WWOX: variants seen among roughly 807,000 people sequenced by gnomAD.
The protein encoded by WWOX is WW domain-containing oxidoreductase.
A neutral mutation model predicts 46.2 loss-of-function variants in WWOX; 69 were observed. That is an observed-to-expected ratio of 1.49 (90% CI 1.23 to 1.82). The LOEUF (loss-of-function observed/expected upper bound fraction) is 1.82, where lower values mean the gene tolerates loss of function less well. Among genes scored for constraint, WWOX ranks in the 40% most tolerant of loss-of-function variants. The probability of loss-of-function intolerance (pLI) is 0.00; values close to 1 mark genes in which losing one functional copy is unlikely to be tolerated. For synonymous variants in WWOX, 359 were observed against 202.6 expected (o/e 1.77, Z -6.56); for missense variants, 919 against 542.6 (o/e 1.69, Z -6.89).
chr16:78,825,678 C>CA, intron 8 of WWOX: 4 of 533,056 alleles, frequency 7.5e-6, no homozygotes, highest in Non-Finnish European at 1.5e-5. Flanking sequence ...CATAGGCTGC[C>CA]AAGCTGTGGT....
At chr16:79,035,507 G>T (rs537077884) in intron 8 of WWOX, among the ~76,000 whole-genome samples, 1 of 152,244 alleles carries the variant, frequency 6.6e-6, no homozygotes, top group African/African-American at 2.4e-5. Flanking sequence ...AGCAGTAGAG[G>T]TGTGTCTGGG....
At chr16:78,701,508 T>C (rs1261599498) in intron 8 of WWOX, among the ~76,000 whole-genome samples, 1 of 152,086 alleles carries the variant, frequency 6.6e-6, no homozygotes, top group Non-Finnish European at 1.5e-5. Context: ...TCTACCTCTA[T>C]CTCTTCTATC....
intron 5 of WWOX, among the ~76,000 whole-genome samples, chr16:78,194,604 A>AAT (rs2035990529): frequency 6.6e-6 from 1 of 150,640 alleles, no homozygotes; most frequent in Non-Finnish European, 1.5e-5. Context: ...AAAAAAAAAA[A>AAT]AGATTTATGT....
intron 8 of WWOX, among the ~76,000 whole-genome samples, chr16:79,077,071 C>G (rs1045882790): frequency 9.2e-5 from 14 of 152,150 alleles, no homozygotes; most frequent in African/African-American, 2.9e-4. Context: ...AATAATTTGT[C>G]CAGGTCTCAT....
At chr16:78,148,514 A>T (rs548398026) in intron 4 of WWOX, among the ~76,000 whole-genome samples, 3 of 148,428 alleles carry the variant, frequency 2.0e-5, no homozygotes, top group African/African-American at 7.4e-5. Flanking sequence ...GCTCCATTAC[A>T]TTTTTTTTTT....
chr16:78,647,775 G>C (rs1392302430), intron 8 of WWOX, among the ~76,000 whole-genome samples: 2 of 152,222 alleles, frequency 1.3e-5, no homozygotes, highest in East Asian at 1.9e-4. Context: ...ACCCAAGACA[G>C]AAATTTCTAG....
At chr16:78,812,116 C>G (rs1176097518) in intron 8 of WWOX, among the ~76,000 whole-genome samples, 1 of 152,106 alleles carries the variant, frequency 6.6e-6, no homozygotes, top group Admixed American at 6.5e-5. Context: ...TCCCCAGCCA[C>G]CACAGAGACC....
intron 8 of WWOX, among the ~76,000 whole-genome samples, chr16:78,433,846 G>T (rs183554681): frequency 0.074 from 10,252 of 137,838 alleles, 409 homozygotes; most frequent in East Asian, 0.094. Context: ...CTGGAGTGCA[G>T]TGGCGGGATC....
chr16:78,823,691 C>G (rs906088853), intron 8 of WWOX, among the ~76,000 whole-genome samples: 1 of 151,988 alleles, frequency 6.6e-6, no homozygotes, highest in Non-Finnish European at 1.5e-5. Context: ...ATTTAAGGCC[C>G]GCCGAGCCTG....
intron 8 of WWOX, among the ~76,000 whole-genome samples, chr16:78,510,753 G>A (rs758431295): frequency 2.6e-5 from 4 of 152,210 alleles, no homozygotes; most frequent in Non-Finnish European, 5.9e-5. Context: ...ACATATGTGT[G>A]TATATTCACA....
At chr16:78,205,980 C>T (rs997243709) in intron 5 of WWOX, among the ~76,000 whole-genome samples, 3 of 151,612 alleles carry the variant, frequency 2.0e-5, no homozygotes, top group African/African-American at 7.3e-5. Flanking sequence ...TTTCTTTCCT[C>T]CCTCCCTTCC....
At chr16:78,957,534 G>C (rs1476191673) in intron 8 of WWOX, among the ~76,000 whole-genome samples, 1 of 152,170 alleles carries the variant, frequency 6.6e-6, no homozygotes, top group Non-Finnish European at 1.5e-5. Context: ...AATGTCTACT[G>C]CTGCACACCT....
intron 5 of WWOX, among the ~76,000 whole-genome samples, chr16:78,184,156 G>C (rs2035621541): frequency 6.6e-6 from 1 of 152,112 alleles, no homozygotes. Flanking sequence ...CACTTAACAT[G>C]CTCGGTGCTT....
At chr16:78,909,223 C>T (rs555250446) in intron 8 of WWOX, among the ~76,000 whole-genome samples, 70 of 150,146 alleles carry the variant, frequency 4.7e-4, no homozygotes, top group African/African-American at 1.6e-3. Context: ...AACAGCCAGT[C>T]GTTCATGTTT....
At chr16:79,006,941 G>T (rs2047202844) in intron 8 of WWOX, among the ~76,000 whole-genome samples, 1 of 152,142 alleles carries the variant, frequency 6.6e-6, no homozygotes, top group Non-Finnish European at 1.5e-5. Flanking sequence ...TTTAAGATCA[G>T]CTGATTAGCA....
chr16:79,010,419 A>G (rs1439066007), intron 8 of WWOX, among the ~76,000 whole-genome samples: 1 of 152,154 alleles, frequency 6.6e-6, no homozygotes, highest in African/African-American at 2.4e-5. Context: ...TTGCTAATCA[A>G]GTGAACACGG....
chr16:78,853,747 A>G (rs1351918485), intron 8 of WWOX, among the ~76,000 whole-genome samples: 2 of 152,114 alleles, frequency 1.3e-5, no homozygotes, highest in South Asian at 4.1e-4. Flanking sequence ...CCCAGCTTGT[A>G]AGCATGTATC....
chr16:78,440,974 G>C (rs1393289668), intron 8 of WWOX, among the ~76,000 whole-genome samples: 2 of 151,390 alleles, frequency 1.3e-5, no homozygotes, highest in Non-Finnish European at 2.9e-5. Flanking sequence ...ATGAAGTCTT[G>C]CTCTGTCACC....
chr16:79,022,170 G>C (rs376647520), intron 8 of WWOX, among the ~76,000 whole-genome samples: 2 of 152,168 alleles, frequency 1.3e-5, no homozygotes, highest in Non-Finnish European at 2.9e-5. Context: ...TGCTGGTGAA[G>C]GAGGTATAAA....
Sources: gnomAD v4.1 joint callset for allele counts (sites outside exome capture counted in the v4.1 genomes callset) on GRCh38, gnomAD v4.1.1 for gene constraint, MANE v1.5 for transcripts, NCBI Gene and HGNC (gene_info 2026-07-23, HGNC 2026-07-21) for gene names.